The following PRKCZ variants were observed in gnomAD, a reference collection of about 807,000 sequenced individuals.
PRKCZ encodes protein kinase C zeta type.
In PRKCZ, 33 loss-of-function variants were observed where a neutral mutation model predicts 79.5. The ratio of observed to expected loss-of-function variants is 0.41; its 90% CI spans 0.31 to 0.55. PRKCZ has a LOEUF of 0.55. Among genes scored for constraint, PRKCZ ranks in the 20% least tolerant of loss-of-function variants. The pLI is 0.19. For synonymous variants in PRKCZ, 342 were observed against 320.9 expected (o/e 1.07, Z -0.70); for missense variants, 578 against 813.5 (o/e 0.71, Z 3.52).
intron 16 of PRKCZ, among the ~76,000 whole-genome samples, chr1:2,182,997 G>A (rs1314818868): frequency 6.6e-6 from 1 of 152,170 alleles, no homozygotes; most frequent in African/African-American, 2.4e-5. Flanking sequence ...AGGCCGAGGA[G>A]GGCAGATGAT....
At chr1:2,120,563 T>G (rs554513905) in intron 4 of PRKCZ, among the ~76,000 whole-genome samples, 36 of 152,064 alleles carry the variant, frequency 2.4e-4, no homozygotes, top group African/African-American at 8.4e-4. Flanking sequence ...CCCAAAGTGC[T>G]GGGATTACAG....
At chr1:2,132,256 C>T (rs1675130681) in intron 4 of PRKCZ, among the ~76,000 whole-genome samples, 1 of 152,216 alleles carries the variant, frequency 6.6e-6, no homozygotes, top group Non-Finnish European at 1.5e-5. Flanking sequence ...CGCACTGGCT[C>T]TGTCTTCCGT....
chr1:2,144,498 T>A, intron 6 of PRKCZ, 157 bp downstream of exon 6: 1 of 1,444,096 alleles, frequency 6.9e-7, no homozygotes, highest in Non-Finnish European at 9.1e-7. Flanking sequence ...CAGGCGGCAG[T>A]CTTGGATAGG....
At position 2,112,529 on chromosome 1, in the gene PRKCZ, C is replaced by T. The variant is rs528547044; in HGVS notation, c.335-22733C>T. 5.3e-5 allele frequency among the ~76,000 whole-genome samples: 8 copies of T among 152,314 alleles called. 1 individual carries two copies. In the South Asian group the frequency reaches 1.7e-3, roughly 32 times the overall value. On this transcript the variant is annotated intron_variant, in intron 4 of 17. Coordinates refer to ENST00000378567, the MANE Select transcript of PRKCZ (RefSeq NM_002744.6). ...TCCCGGCATGGGGGACTGTGGGGTGCAGCCGCCGCTTGGAGCGGAGGTGAA... is the reference window on the plus strand; with the variant it reads ...TCCCGGCATGGGGGACTGTGGGGTGTAGCCGCCGCTTGGAGCGGAGGTGAA...
At chr1:2,136,698 A>G (rs1489243546) in intron 5 of PRKCZ, among the ~76,000 whole-genome samples, 3 of 151,956 alleles carry the variant, frequency 2.0e-5, no homozygotes, top group Non-Finnish European at 4.4e-5. Flanking sequence ...CACATTGGGA[A>G]TATCTGTGGA....
chr1:2,134,235 G>A (rs1675691617), intron 4 of PRKCZ, among the ~76,000 whole-genome samples: 1 of 152,216 alleles, frequency 6.6e-6, no homozygotes, highest in Non-Finnish European at 1.5e-5. Context: ...TCCATTTAAA[G>A]GAAGAGGAGC....
intron 16 of PRKCZ, among the ~76,000 whole-genome samples, chr1:2,179,786 G>C (rs1171167716): frequency 6.6e-6 from 1 of 152,156 alleles, no homozygotes; most frequent in Non-Finnish European, 1.5e-5. Flanking sequence ...GGACTCTAAT[G>C]CTTCGTGTGG....
intron 4 of PRKCZ, among the ~76,000 whole-genome samples, chr1:2,081,598 G>A (rs1176758836): frequency 6.6e-6 from 1 of 152,198 alleles, no homozygotes; most frequent in Non-Finnish European, 1.5e-5. Context: ...GTGCTGGGTC[G>A]AGGCGGGGAG....
At position 2,105,040 on chromosome 1, in the gene PRKCZ, G is replaced by T. The variant is rs187862207; in HGVS notation, c.335-30222G>T. ...CCCCTGTGAGTTCAGACTTCTCAAG[G>T]ACGCTTGCATAGCCAACATTGTTGA... On this transcript the variant is annotated intron_variant, in intron 4 of 17. Coordinates refer to ENST00000378567, the MANE Select transcript of PRKCZ (RefSeq NM_002744.6). 7.9e-4 allele frequency: 387 copies of T among 490,348 alleles called. 1 individual carries two copies. The highest frequency in any genetic ancestry group is 7.7e-3 in the African/African-American group (366 of 47,752). The allele number at this position is 490,348 out of a possible 1,614,324, so 30.4% of individuals were successfully genotyped here.
chr1:2,072,704 C>A (rs913066140), intron 4 of PRKCZ, among the ~76,000 whole-genome samples: 6 of 152,014 alleles, frequency 3.9e-5, no homozygotes, highest in African/African-American at 1.4e-4. Context: ...TTTGCTGTCT[C>A]TAGGAATCGG....
chr1:2,074,668 C>T (rs576375791), intron 4 of PRKCZ: 6 of 345,674 alleles, frequency 1.7e-5, no homozygotes, highest in East Asian at 6.0e-5. Flanking sequence ...CTGGGTGGCA[C>T]AGCCAGGGTT....
intron 3 of PRKCZ, among the ~76,000 whole-genome samples, chr1:2,058,199 C>T (rs1660360059): frequency 2.7e-5 from 4 of 150,902 alleles, no homozygotes; most frequent in Admixed American, 6.6e-5. Flanking sequence ...GATGGGGTCT[C>T]GCCATGTTGG....
chr1:2,176,919 G>A (rs575925753), intron 16 of PRKCZ, among the ~76,000 whole-genome samples: 1 of 152,346 alleles, frequency 6.6e-6, no homozygotes, highest in East Asian at 1.9e-4. Flanking sequence ...TCTCTGTCGT[G>A]CGGTTGTCAG....
rs1361393204 is a variant in PRKCZ, at chr1:2,082,095, A to G, written c.334+22504A>G. ...AATAGGACACCACACAGTCGTGCCA[A>G]GAAGGCGCCTAAGTGTCTTTCCACA... On this transcript the variant is annotated intron_variant, in intron 4 of 17. Transcript: ENST00000378567. The surrounding 1 kb of genome is among the most constrained non-coding windows in gnomAD (Gnocchi z 4.4). Among the ~76,000 whole-genome samples the G allele has an allele frequency of 6.6e-6, 1 of 152,280 alleles. No individual in the cohort carries two copies. The highest frequency in any genetic ancestry group is 6.5e-5 in the Admixed American group (1 of 15,290).
intron 4 of PRKCZ, among the ~76,000 whole-genome samples, chr1:2,062,684 T>A (rs1660795684): frequency 6.6e-6 from 1 of 151,958 alleles, no homozygotes; most frequent in African/African-American, 2.4e-5. Context: ...GTTGGGGTTT[T>A]ACCATGTTGC....
intron 4 of PRKCZ, among the ~76,000 whole-genome samples, chr1:2,102,508 A>AT (rs1173737277): frequency 2.0e-5 from 3 of 150,882 alleles, no homozygotes; most frequent in Non-Finnish European, 4.4e-5. Flanking sequence ...AATTTTTTGT[A>AT]TTTTTAGTAG....
chr1:2,064,189 G>A (rs187915916), intron 4 of PRKCZ, among the ~76,000 whole-genome samples: 60 of 152,290 alleles, frequency 3.9e-4, no homozygotes, highest in Non-Finnish European at 7.2e-4. Flanking sequence ...ATGTCTTTTC[G>A]CGTCCTGTGT....
chr1:2,176,914 G>A (rs1400779437), intron 16 of PRKCZ, among the ~76,000 whole-genome samples: 1 of 152,230 alleles, frequency 6.6e-6, no homozygotes, highest in African/African-American at 2.4e-5. Flanking sequence ...GCCATTCTCT[G>A]TCGTGCGGTT....
chr1:2,155,621 TGAC>T (rs1332860347), intron 9 of PRKCZ, among the ~76,000 whole-genome samples: 1 of 150,370 alleles, frequency 6.7e-6, no homozygotes, highest in Admixed American at 6.6e-5. Context: ...ACGGTGATGA[TGAC>T]AGTGGTGGTG....
Sources: gnomAD v4.1 joint callset for allele counts (sites outside exome capture counted in the v4.1 genomes callset) on GRCh38, gnomAD v4.1.1 for gene constraint, Gnocchi (gnomAD v3.1) non-coding constraint, MANE v1.5 for transcripts, NCBI Gene and HGNC (gene_info 2026-07-23, HGNC 2026-07-21) for gene names.